The following SLC43A1 variants were observed in gnomAD, a reference collection of about 807,000 sequenced individuals.
SLC43A1 encodes solute carrier family 43 member 1, also known as large neutral amino acids transporter small subunit 3.
Under a neutral mutation model 59.5 loss-of-function variants are expected in SLC43A1, and 31 were observed. That is an observed-to-expected ratio of 0.52 (90% CI 0.39 to 0.70). The LOEUF (loss-of-function observed/expected upper bound fraction) is 0.70, where lower values mean the gene tolerates loss of function less well. SLC43A1 is among the 30% of genes least tolerant of loss of function. The pLI, the probability that SLC43A1 is intolerant of heterozygous loss-of-function variation, is 0.00. For synonymous variants in SLC43A1, 259 were observed against 290.9 expected (o/e 0.89, Z 1.12); for missense variants, 598 against 717.8 (o/e 0.83, Z 1.91).
chr11:57,512,926 CA>C (rs1235389183), intron 2 of SLC43A1, among the ~76,000 whole-genome samples: 2 of 152,170 alleles, frequency 1.3e-5, no homozygotes, highest in African/African-American at 4.8e-5. Flanking sequence ...TCCCCATCTC[CA>C]CCCCTCAAGG....
At chr11:57,513,657 A>T (rs1944609090) in intron 2 of SLC43A1, among the ~76,000 whole-genome samples, 9 of 152,204 alleles carry the variant, frequency 5.9e-5, no homozygotes, top group Admixed American at 5.9e-4. Context: ...TTCCTCTCCC[A>T]GCACGTCTCC....
At chr11:57,499,866 G>A (rs1245409390) in intron 5 of SLC43A1, among the ~76,000 whole-genome samples, 5 of 152,318 alleles carry the variant, frequency 3.3e-5, no homozygotes, top group Middle Eastern at 3.4e-3. Context: ...TTAGGGCCCT[G>A]GGCCAAGTTG....
intron 2 of SLC43A1, 169 bp from the exon 3 acceptor site, chr11:57,501,498 T>G (rs971806848): frequency 1.6e-5 from 10 of 641,870 alleles, no homozygotes; most frequent in Non-Finnish European, 2.5e-5. Context: ...TGGCAGCCAT[T>G]AGTACCTGAC....
intron 2 of SLC43A1, among the ~76,000 whole-genome samples, chr11:57,509,112 C>CA (rs34394294): frequency 3.7e-4 from 50 of 133,526 alleles, no homozygotes; most frequent in South Asian, 1.4e-3. Context: ...ACTCTGTCTC[C>CA]AAAAAAAAAA....
chr11:57,489,488 G>A (rs1427332730), intron 11 of SLC43A1, 96 bp from the exon 12 acceptor site: 1 of 1,427,094 alleles, frequency 7.0e-7, no homozygotes, highest in East Asian at 2.3e-5. Flanking sequence ...TGCCTTCGAT[G>A]TCAGGGCAGC....
At chr11:57,495,545 G>A (rs1207490307) in intron 7 of SLC43A1, among the ~76,000 whole-genome samples, 2 of 152,084 alleles carry the variant, frequency 1.3e-5, no homozygotes, top group South Asian at 4.1e-4. Context: ...ACCCATGGGA[G>A]GCTGGGCACA....
At chr11:57,501,540 G>A (rs1944268328) in intron 2 of SLC43A1, among the ~76,000 whole-genome samples, 1 of 152,234 alleles carries the variant, frequency 6.6e-6, no homozygotes, top group African/African-American at 2.4e-5. Flanking sequence ...CACAGCCTGA[G>A]GCTTCAACTA....
chr11:57,489,131 C>G, intron 12 of SLC43A1, 120 bp downstream of exon 12: 1 of 1,458,584 alleles, frequency 6.9e-7, no homozygotes, highest in Non-Finnish European at 9.5e-7. Flanking sequence ...CTGGAGAACC[C>G]GGAAAATAGA....
In SLC43A1 at chr11:57,514,220, G is replaced by A; in HGVS notation, c.-13-96C>T. On this transcript the variant is annotated intron_variant, in intron 1 of 14. Coordinates refer to ENST00000278426, the MANE Select transcript of SLC43A1 (RefSeq NM_003627.6). The surrounding 1 kb of genome is among the most constrained non-coding windows in gnomAD (Gnocchi z 5.5). ...CACCCGAGACCTCTCGGGCCAGCCC[G>A]CGAGGAGCCCCTCATGGAGGCCCCA... 5 of 1,386,968 alleles carry A rather than the reference G, an allele frequency of 3.6e-6. No individual in the cohort carries two copies. The South Asian group carries it at 7.4e-5, about 21-fold the overall frequency. 85.9% of individuals were successfully genotyped at this position (1,386,968 alleles called of 1,614,324 possible).
chr11:57,506,365 T>G (rs1462863867), intron 2 of SLC43A1, among the ~76,000 whole-genome samples: 2 of 151,224 alleles, frequency 1.3e-5, no homozygotes, highest in African/African-American at 2.4e-5. Flanking sequence ...TAGTAAGTAA[T>G]TAATTAAATA....
intron 8 of SLC43A1, 30 bp from the exon 9 acceptor site, chr11:57,491,892 C>A (rs1488455444): frequency 1.2e-6 from 2 of 1,608,684 alleles, no homozygotes; most frequent in Non-Finnish European, 8.5e-7. Context: ...CGCCCCTGAG[C>A]CCCAGACCTT....
intron 2 of SLC43A1, among the ~76,000 whole-genome samples, chr11:57,510,185 G>A (rs189293758): frequency 1.0e-3 from 153 of 152,064 alleles, no homozygotes; most frequent in East Asian, 7.7e-4. Context: ...GGCCGGGCGC[G>A]GTGGCTCATG....
intron 8 of SLC43A1, 78 bp downstream of exon 8, chr11:57,493,915 C>T: frequency 7.1e-7 from 1 of 1,414,978 alleles, no homozygotes; most frequent in African/African-American, 1.5e-5. Context: ...CGAATAAATA[C>T]TCAACCATGA....
intron 13 of SLC43A1, among the ~76,000 whole-genome samples, chr11:57,488,425 C>T (rs964637076): frequency 3.3e-5 from 5 of 152,166 alleles, no homozygotes; most frequent in African/African-American, 1.2e-4. Flanking sequence ...GTCAAGGATC[C>T]TGCCTGCTGC....
chr11:57,497,902 T>A, intron 5 of SLC43A1, 57 bp from the exon 6 acceptor site: 1 of 1,352,072 alleles, frequency 7.4e-7, no homozygotes, highest in Non-Finnish European at 1.1e-6. Context: ...TGCCCAGCAT[T>A]CCCAGCCCTG....
At chr11:57,510,003 C>G (rs1010576544) in intron 2 of SLC43A1, among the ~76,000 whole-genome samples, 1 of 151,950 alleles carries the variant, frequency 6.6e-6, no homozygotes, top group South Asian at 2.1e-4. Flanking sequence ...GAAAGATAAC[C>G]TAATTTTAAA....
At chr11:57,490,320 A>C (rs1010133401) in intron 11 of SLC43A1, among the ~76,000 whole-genome samples, 1 of 152,096 alleles carries the variant, frequency 6.6e-6, no homozygotes, top group East Asian at 1.9e-4. Flanking sequence ...AAAAAAAAAA[A>C]AAAAAACCCT....
rs1227777622 is a variant in SLC43A1 at position 57,497,963 on chromosome 11, A to C, written c.466-118T>G. 5.9e-6 allele frequency: 4 copies of C among 679,796 alleles called. No individual in the cohort carries two copies. In the East Asian group the frequency reaches 8.4e-5, roughly 14 times the overall value. 42.1% of individuals were successfully genotyped at this position (679,796 alleles called of 1,614,324 possible). A position where few individuals can be genotyped will look rare whatever the true frequency, so the allele number is the denominator to read the frequency against. ...CAGCAGAAAAGCCCCAAGGTAAAACAAACAGAAAAATCAATGTGGGAAACT... is the reference window on the plus strand; with the variant it reads ...CAGCAGAAAAGCCCCAAGGTAAAACCAACAGAAAAATCAATGTGGGAAACT... On this transcript the variant is annotated intron_variant, in intron 5 of 14. Transcript: ENST00000278426.
rs1943759381 is a variant in SLC43A1, at chr11:57,487,155, G to A, written c.1473C>T (p.Ala491=). The A allele has an allele frequency of 1.2e-6, 2 of 1,613,984 alleles. No individual in the cohort carries two copies. The highest frequency in any genetic ancestry group is 8.5e-7 in the Non-Finnish European group (1 of 1,179,994). Reference sequence around the variant, plus strand: ...CCATGAAAAGTGGCTGCTGAAGCAAGGCGAACACAGCACTGATGAGGGACT... The same window carrying A: ...CCATGAAAAGTGGCTGCTGAAGCAAAGCGAACACAGCACTGATGAGGGACT... The part of the protein sequence containing the change: ...GLQSLISAVF[A]LLQQPLFMAM... The change falls in exon 14 of 15, where the codon GCC becomes GCT. Residue 491 remains alanine (A), a synonymous_variant. Transcript: ENST00000278426.
Sources: allele counts gnomAD v4.1 joint callset (sites outside exome capture counted in the v4.1 genomes callset), GRCh38; gene constraint gnomAD v4.1.1; non-coding constraint Gnocchi (gnomAD v3.1); transcripts MANE v1.5; gene names NCBI Gene and HGNC (gene_info 2026-07-23, HGNC 2026-07-21).